Variants in DLGAP2 observed in about 807,000 individuals in gnomAD.
DLGAP2 encodes disks large-associated protein 2.
In DLGAP2, 26 loss-of-function variants were observed where a neutral mutation model predicts 100.3. That is an observed-to-expected ratio of 0.26 (90% CI 0.19 to 0.36). The LOEUF (loss-of-function observed/expected upper bound fraction) is 0.36. Among genes scored for constraint, DLGAP2 ranks in the 10% least tolerant of loss-of-function variants. The probability of loss-of-function intolerance (pLI) is 1.00; values close to 1 mark genes in which losing one functional copy is unlikely to be tolerated. For synonymous variants in DLGAP2, 886 were observed against 630.1 expected, an observed-to-expected ratio of 1.41 and a Z score of -6.08; for missense variants, 1,858 against 1,453.2, an observed-to-expected ratio of 1.28 and a Z score of -4.53.
At chr8:880,251 A>G (rs1797762117) in intron 1 of DLGAP2, among the ~76,000 whole-genome samples, 1 of 151,776 alleles carries the variant, frequency 6.6e-6, no homozygotes. Context: ...CTCCTAATCA[A>G]TTTCTGTGCT....
intron 1 of DLGAP2, among the ~76,000 whole-genome samples, chr8:746,437 C>G (rs1028589800): frequency 6.6e-6 from 1 of 152,250 alleles, no homozygotes; most frequent in Non-Finnish European, 1.5e-5. Context: ...TGGGGTCACA[C>G]AGAGCCACAG....
At chr8:1,413,751 A>G (rs933127203) in intron 3 of DLGAP2, among the ~76,000 whole-genome samples, 5 of 152,182 alleles carry the variant, frequency 3.3e-5, no homozygotes, top group African/African-American at 1.2e-4. Flanking sequence ...TGCAGGTGCA[A>G]TGACAGGATG....
chr8:1,439,017 T>G (rs1797745061), intron 3 of DLGAP2, among the ~76,000 whole-genome samples: 2 of 152,252 alleles, frequency 1.3e-5, no homozygotes, highest in African/African-American at 4.8e-5. Context: ...TTATGTTTTA[T>G]GAAGCTTATG....
At chr8:1,352,189 G>C (rs1801747506) in intron 3 of DLGAP2, among the ~76,000 whole-genome samples, 1 of 118,770 alleles carries the variant, frequency 8.4e-6, no homozygotes, top group Non-Finnish European at 1.8e-5. Flanking sequence ...TGGATAGGCT[G>C]TGCGGGTCCT....
intron 2 of DLGAP2, among the ~76,000 whole-genome samples, chr8:926,215 C>T (rs1328066244): frequency 6.6e-6 from 1 of 152,196 alleles, no homozygotes. Flanking sequence ...CCACTCCCTC[C>T]GTGGGCTCTC....
intron 1 of DLGAP2, among the ~76,000 whole-genome samples, chr8:742,199 A>T (rs1358883306): frequency 1.3e-5 from 2 of 152,208 alleles, no homozygotes; most frequent in African/African-American, 2.4e-5. Flanking sequence ...AGGCTTATTC[A>T]TCTTCGGGTA....
intron 3 of DLGAP2, among the ~76,000 whole-genome samples, chr8:1,465,346 A>G (rs1798595206): frequency 6.6e-6 from 1 of 150,790 alleles, no homozygotes; most frequent in East Asian, 2.0e-4. Flanking sequence ...GGAAGAGATG[A>G]GCAGAGGGAA....
At chr8:1,624,674 G>A (rs1016496616) in intron 6 of DLGAP2, among the ~76,000 whole-genome samples, 144 of 152,154 alleles carry the variant, frequency 9.5e-4, no homozygotes, top group African/African-American at 3.3e-3. Context: ...CCACAGAGGA[G>A]GGGAGGGGAC....
At chr8:1,433,446 C>G (rs1248915211) in intron 3 of DLGAP2, among the ~76,000 whole-genome samples, 1 of 152,204 alleles carries the variant, frequency 6.6e-6, no homozygotes. Flanking sequence ...TTAGAAAGGT[C>G]TTTTTGCAAA....
chr8:963,341 T>G (rs1312243480), intron 2 of DLGAP2, among the ~76,000 whole-genome samples: 2 of 151,904 alleles, frequency 1.3e-5, no homozygotes, highest in Non-Finnish European at 2.9e-5. Context: ...AGTTAGCAGC[T>G]TTGGAGTGGA....
intron 2 of DLGAP2, among the ~76,000 whole-genome samples, chr8:979,362 T>C (rs1446660714): frequency 7.2e-5 from 11 of 152,146 alleles, no homozygotes; most frequent in Admixed American, 6.5e-5. Context: ...AGGGAGAAAT[T>C]GAGTAGTTGA....
At chr8:862,646 ACTCCACCATAGC>A (rs1249338332) in intron 1 of DLGAP2, among the ~76,000 whole-genome samples, 1 of 151,934 alleles carries the variant, frequency 6.6e-6, no homozygotes, top group Non-Finnish European at 1.5e-5. Context: ...AAACCTCTTG[ACTCCACCATAGC>A]CTCAGTTTTC....
chr8:1,419,799 G>C (rs867418661), intron 3 of DLGAP2, among the ~76,000 whole-genome samples: 1 of 152,146 alleles, frequency 6.6e-6, no homozygotes, highest in Non-Finnish European at 1.5e-5. Context: ...AAACAGCATG[G>C]AGGTTCCTCA....
chr8:1,364,467 T>G (rs971482589), intron 3 of DLGAP2, among the ~76,000 whole-genome samples: 3 of 129,214 alleles, frequency 2.3e-5, no homozygotes, highest in Non-Finnish European at 4.8e-5. Context: ...AGGGCACCGC[T>G]GCGAGAGGGA....
intron 1 of DLGAP2, among the ~76,000 whole-genome samples, chr8:742,331 T>G (rs1042264347): frequency 6.6e-6 from 1 of 152,226 alleles, no homozygotes; most frequent in Non-Finnish European, 1.5e-5. Flanking sequence ...TGTTAAAAAT[T>G]TTTAAAGTAA....
At chr8:958,947 G>C (rs781328905) in intron 2 of DLGAP2, among the ~76,000 whole-genome samples, 1 of 152,146 alleles carries the variant, frequency 6.6e-6, no homozygotes, top group Non-Finnish European at 1.5e-5. Flanking sequence ...TAGATGTTTT[G>C]GTGTGTGGGC....
intron 4 of DLGAP2, among the ~76,000 whole-genome samples, chr8:1,532,551 A>G (rs1012351384): frequency 6.6e-6 from 1 of 152,178 alleles, no homozygotes; most frequent in Non-Finnish European, 1.5e-5. Context: ...ATTTGGGTCA[A>G]TTTATTTCTC....
intron 2 of DLGAP2, among the ~76,000 whole-genome samples, chr8:1,051,551 A>G (rs984544268): frequency 1.4e-4 from 22 of 152,264 alleles, no homozygotes; most frequent in Middle Eastern, 3.2e-3. Flanking sequence ...AAAAGACACA[A>G]CAGAGAATTT....
chr8:1,670,222 A>G lies in DLGAP2; in HGVS notation c.2202+438A>G, dbSNP rs572321813. ...GTGCCAACTTCTAAGCACGTGCAGT[A>G]CCGACTTTATCTGAAATGAGTGGGA... On this transcript the variant is annotated intron_variant, in intron 10 of 14. Coordinates refer to ENST00000637795, the MANE Select transcript of DLGAP2 (RefSeq NM_001346810.2). Among the ~76,000 whole-genome samples the G allele has an allele frequency of 2.0e-5, 3 of 152,310 alleles. No individual in the cohort carries two copies. In the South Asian group the frequency reaches 6.2e-4, roughly 32 times the overall value.
Sources: gnomAD v4.1 joint callset for allele counts (sites outside exome capture counted in the v4.1 genomes callset) on GRCh38, gnomAD v4.1.1 for gene constraint, MANE v1.5 for transcripts, NCBI Gene and HGNC (gene_info 2026-07-23, HGNC 2026-07-21) for gene names.